The following CDH8 variants were observed in gnomAD, a reference collection of about 807,000 sequenced individuals.
CDH8 encodes the protein cadherin-8.
Under a neutral mutation model 68.1 loss-of-function variants are expected in CDH8, and 17 were observed. The ratio of observed to expected loss-of-function variants is 0.25; its 90% confidence interval spans 0.17 to 0.37. The LOEUF is 0.37. Ranked by LOEUF, CDH8 falls within the 10% of genes least tolerant of loss-of-function variation. The pLI, the probability that CDH8 is intolerant of heterozygous loss-of-function variation, is 1.00. For synonymous variants in CDH8, 372 were observed against 365.1 expected (o/e 1.02, Z -0.21); for missense variants, 763 against 999.3 (o/e 0.76, Z 3.19).
intron 2 of CDH8, among the ~76,000 whole-genome samples, chr16:61,966,058 T>C (rs1476922416): frequency 6.6e-6 from 1 of 152,168 alleles, no homozygotes; most frequent in East Asian, 1.9e-4. Flanking sequence ...GAAATAGCAA[T>C]TAATTCATTG....
chr16:61,726,140 G>A (rs895694788), intron 9 of CDH8: 18 of 150,908 alleles, frequency 1.2e-4, no homozygotes, highest in African/African-American at 3.9e-4. Flanking sequence ...ACACCCACAT[G>A]AGGCACAAGA....
chr16:61,747,596 T>C (rs1960055030), intron 8 of CDH8, among the ~76,000 whole-genome samples: 1 of 152,000 alleles, frequency 6.6e-6, no homozygotes, highest in African/African-American at 2.4e-5. Flanking sequence ...AGACCAATAT[T>C]GGAGTCTTCA....
At chr16:61,668,627 A>G (rs1963727356) in intron 10 of CDH8, among the ~76,000 whole-genome samples, 1 of 151,558 alleles carries the variant, frequency 6.6e-6, no homozygotes, top group Non-Finnish European at 1.5e-5. Flanking sequence ...ATTTATGAAG[A>G]AGGGTAAAAA....
rs1963247806 is a variant in CDH8 at position 61,648,280 on chromosome 16, T to A, written c.*5328A>T. The A allele has an allele frequency of 6.5e-6, 1 of 153,184 alleles. No homozygotes were observed. Among genetic ancestry groups the A allele is most frequent in the East Asian group, 1.9e-4 (1 of 5,190 alleles). The allele number at this position is 153,184 out of a possible 1,614,324, so 9.5% of individuals were successfully genotyped here. ...CCTAGAGTTTCCTATAAGCACCTAA[T>A]TTCTGGATCTTTCTGAATGTCCAAA... On this transcript the variant is annotated 3_prime_UTR_variant, in exon 12 of 12. Transcript: ENST00000577390.
rs1963370560 is a variant in CDH8 at position 61,653,502 on chromosome 16, G to A, written c.*106C>T. 2 of 1,503,522 alleles carry A rather than the reference G, an allele frequency of 1.3e-6. No homozygotes were observed. Among genetic ancestry groups the A allele is most frequent in the Non-Finnish European group, 1.8e-6 (2 of 1,128,154 alleles). 93.1% of individuals were successfully genotyped at this position (1,503,522 alleles called of 1,614,324 possible). ...GTGGTTGAGTTTATAGATGACTGGT[G>A]CTAAACTTGCCTCTAAAACAAATAG... On this transcript the variant is annotated 3_prime_UTR_variant, in exon 12 of 12. Coordinates refer to ENST00000577390, the MANE Select transcript of CDH8 (RefSeq NM_001796.5).
intron 7 of CDH8, among the ~76,000 whole-genome samples, chr16:61,804,180 A>G (rs1282962771): frequency 6.7e-6 from 1 of 150,178 alleles, no homozygotes; most frequent in Admixed American, 6.6e-5. Context: ...AAAGCTGCTC[A>G]ACTACATGGA....
intron 10 of CDH8, among the ~76,000 whole-genome samples, chr16:61,660,737 A>G (rs1963538361): frequency 6.6e-6 from 1 of 152,082 alleles, no homozygotes; most frequent in Non-Finnish European, 1.5e-5. Context: ...CATAGAAACA[A>G]TGAAGGCCAG....
At chr16:61,676,901 G>A (rs1046624283) in intron 10 of CDH8, among the ~76,000 whole-genome samples, 2 of 151,988 alleles carry the variant, frequency 1.3e-5, no homozygotes. Flanking sequence ...AGAAAACTTT[G>A]TAGGGTGACG....
At chr16:61,761,761 G>A (rs1960476477) in intron 8 of CDH8, among the ~76,000 whole-genome samples, 1 of 152,068 alleles carries the variant, frequency 6.6e-6, no homozygotes. Context: ...CCAGGACTTT[G>A]GGAGGCCGAG....
chr16:61,907,378 G>T (rs1179727334), intron 2 of CDH8, among the ~76,000 whole-genome samples: 1 of 152,060 alleles, frequency 6.6e-6, no homozygotes. Context: ...TCATGGGAAA[G>T]TTTCTCCAAG....
chr16:61,823,601 T>C (rs764124594), intron 5 of CDH8, among the ~76,000 whole-genome samples: 3 of 152,012 alleles, frequency 2.0e-5, no homozygotes, highest in South Asian at 2.1e-4. Flanking sequence ...GAAAAAAACA[T>C]TGGAGGAAGG....
intron 10 of CDH8, chr16:61,692,714 T>C (rs1014121432): frequency 2.6e-5 from 4 of 152,170 alleles, no homozygotes; most frequent in Non-Finnish European, 5.9e-5. Context: ...TTTCTATTAC[T>C]TTGCAGAATG....
intron 4 of CDH8, among the ~76,000 whole-genome samples, chr16:61,851,827 C>G (rs769967010): frequency 2.0e-5 from 3 of 152,018 alleles, no homozygotes; most frequent in African/African-American, 7.2e-5. Flanking sequence ...AGGCCTGAAC[C>G]TGCTTCCAAG....
intron 8 of CDH8, among the ~76,000 whole-genome samples, chr16:61,741,290 C>A (rs1419208563): frequency 2.0e-5 from 3 of 152,010 alleles, no homozygotes; most frequent in Non-Finnish European, 4.4e-5. Context: ...AATGTGAGTC[C>A]TTTAGTAGAT....
intron 8 of CDH8, among the ~76,000 whole-genome samples, chr16:61,766,672 GTTT>G: frequency 7.0e-6 from 1 of 142,550 alleles, no homozygotes; most frequent in African/African-American, 2.6e-5. Flanking sequence ...TTGTTTGTTT[GTTT>G]TTAACTTTTT....
Position 61,652,477 on chromosome 16 carries a change from A to T in CDH8, c.*1131T>A. On this transcript the variant is annotated 3_prime_UTR_variant, in exon 12 of 12. Coordinates refer to ENST00000577390, the MANE Select transcript of CDH8 (RefSeq NM_001796.5). ...AATACTAGGATTATGAACAAAATAG[A>T]AAACAGTCCAAAAGTTTGTCTGGGA... 5.0e-6 allele frequency: 5 copies of T among 991,602 alleles called. No homozygotes were observed. Among genetic ancestry groups the T allele is most frequent in the Non-Finnish European group, 6.0e-6 (5 of 833,968 alleles). The allele number at this position is 991,602 out of a possible 1,614,324, so 61.4% of individuals were successfully genotyped here.
chr16:61,721,109 A>T (rs1959213359), intron 9 of CDH8, among the ~76,000 whole-genome samples: 1 of 150,390 alleles, frequency 6.6e-6, no homozygotes. Flanking sequence ...CAAACCCTCC[A>T]ATATATATAT....
At chr16:61,690,293 G>T (rs1170116506) in intron 10 of CDH8, among the ~76,000 whole-genome samples, 1 of 151,964 alleles carries the variant, frequency 6.6e-6, no homozygotes, top group Non-Finnish European at 1.5e-5. Context: ...ATGCATTATT[G>T]ATCCTTGTTG....
intron 2 of CDH8, among the ~76,000 whole-genome samples, chr16:61,901,819 A>G (rs999897157): frequency 6.6e-6 from 1 of 152,174 alleles, no homozygotes; most frequent in African/African-American, 2.4e-5. Context: ...GTCACCTTTT[A>G]TGGGTCACTA....
Sources: allele counts gnomAD v4.1 joint callset (sites outside exome capture counted in the v4.1 genomes callset), GRCh38; gene constraint gnomAD v4.1.1; transcripts MANE v1.5; gene names NCBI Gene and HGNC (gene_info 2026-07-23, HGNC 2026-07-21).